SLC6A16: variants seen among roughly 807,000 people sequenced by gnomAD.
The protein encoded by SLC6A16 is orphan sodium- and chloride-dependent neurotransmitter transporter NTT5.
In SLC6A16, 54 loss-of-function variants were observed where a neutral mutation model predicts 65.4. That is an observed-to-expected ratio of 0.83 (90% CI 0.66 to 1.04). The LOEUF (loss-of-function observed/expected upper bound fraction) is 1.04, where lower values mean the gene tolerates loss of function less well. Ranked by LOEUF, SLC6A16 falls within the 50% of genes least tolerant of loss-of-function variation. The pLI, the probability that SLC6A16 is intolerant of heterozygous loss-of-function variation, is 0.00. For missense variants in SLC6A16, 816 were observed against 914.0 expected, an observed-to-expected ratio of 0.89 and a Z score of 1.38; for synonymous variants, 330 against 346.5, an observed-to-expected ratio of 0.95 and a Z score of 0.53.
At chr19:49,326,993 T>C (rs923877534), upstream of SLC6A16, among the ~76,000 whole-genome samples, 1 of 150,192 alleles carries the variant, frequency 6.7e-6, no homozygotes, top group African/African-American at 2.5e-5. Flanking sequence ...CACTCCAGCC[T>C]GGGTGATGGG....
intron 1 of SLC6A16, among the ~76,000 whole-genome samples, chr19:49,315,550 T>C (rs1970601675): frequency 6.6e-6 from 1 of 152,188 alleles, no homozygotes; most frequent in East Asian, 1.9e-4. Context: ...CCCAGCCCTT[T>C]GGGAGGCTGA....
rs923629134 is a variant in SLC6A16, at chr19:49,292,291, C to T, written c.1778+932G>A. Among the ~76,000 whole-genome samples, 2 of 152,038 alleles carry T rather than the reference C, an allele frequency of 1.3e-5. No individual in the cohort carries two copies. The highest frequency in any genetic ancestry group is 6.6e-5 in the Admixed American group (1 of 15,262). ...CTGAGGGAGGAGAATTGCTTGAACC[C>T]GGGAGGCGGAGGTTGCAGTGAGCTG... On this transcript the variant is annotated intron_variant, in intron 10 of 11. Transcript: ENST00000335875. This position sits in a 1 kb window ranked among gnomAD's most constrained non-coding sequence, Gnocchi z 4.3.
chr19:49,293,617 AGCCG>A (rs1352620541), intron 9 of SLC6A16, among the ~76,000 whole-genome samples: 2 of 152,156 alleles, frequency 1.3e-5, no homozygotes, highest in Non-Finnish European at 2.9e-5. Flanking sequence ...TACAAAACTT[AGCCG>A]GGCGTGGTGA....
chr19:49,311,675 C>T (rs1208557922), intron 1 of SLC6A16, among the ~76,000 whole-genome samples: 1 of 151,550 alleles, frequency 6.6e-6, no homozygotes, highest in Non-Finnish European at 1.5e-5. Context: ...ATGGTGAAAC[C>T]CCGTCTCTAC....
At chr19:49,338,671 G>A in the SLC6A16 span, 51 of 1,525,018 alleles carry the variant, frequency 3.3e-5, no homozygotes, top group Middle Eastern at 1.7e-4. This position sits in a 1 kb window ranked among gnomAD's most constrained non-coding sequence, Gnocchi z 5.0. Flanking sequence ...CTCCAGTCCC[G>A]GTCCCTCTGA....
the SLC6A16 span, chr19:49,337,940 C>T: frequency 3.7e-6 from 6 of 1,613,830 alleles, no homozygotes; most frequent in Admixed American, 1.7e-5. Flanking sequence ...GCGAAGCTTG[C>T]GGGACGTCGT....
chr19:49,336,929 C>T, the SLC6A16 span: 2 of 1,614,166 alleles, frequency 1.2e-6, no homozygotes, highest in Admixed American at 1.7e-5. Context: ...CGTGCCTCTG[C>T]AGATCTGGTC....
intron 1 of SLC6A16, among the ~76,000 whole-genome samples, chr19:49,322,616 A>G (rs1434782534): frequency 1.3e-5 from 2 of 149,698 alleles, no homozygotes; most frequent in African/African-American, 4.9e-5. Flanking sequence ...CCTGGGCAAC[A>G]AGAGTGAAAC....
At chr19:49,299,415 G>A (rs1382938066) in intron 7 of SLC6A16, among the ~76,000 whole-genome samples, 4 of 150,374 alleles carry the variant, frequency 2.7e-5, no homozygotes, top group African/African-American at 9.8e-5. Context: ...TTAGCCTGGT[G>A]TGGTGGCATG....
In SLC6A16 at chr19:49,310,349, T is replaced by C. The variant is rs767298332; in HGVS notation, c.573+4A>G. 1 of 1,613,812 alleles carries C rather than the reference T, an allele frequency of 6.2e-7. No individual in the cohort carries two copies. The highest frequency in any genetic ancestry group is 1.7e-5 in the Admixed American group (1 of 59,954). ...TCAGGCCTGGGCAGCCATGGGCTCC[T>C]CACCATGAAGCTAGAATACCCCACA... On this transcript the variant is annotated splice_donor_region_variant and intron_variant, in intron 3 of 11. Coordinates refer to ENST00000335875, the MANE Select transcript of SLC6A16 (RefSeq NM_014037.3).
chr19:49,298,713 C>T (rs566997955), intron 7 of SLC6A16, among the ~76,000 whole-genome samples: 32 of 152,002 alleles, frequency 2.1e-4, no homozygotes, highest in Middle Eastern at 3.2e-3. Context: ...GTCTATATAC[C>T]CAAAGGAAAA....
the SLC6A16 span, among the ~76,000 whole-genome samples, chr19:49,334,899 A>C: frequency 6.6e-6 from 1 of 152,074 alleles, no homozygotes. Context: ...ACAAATATAT[A>C]AATAAAATAA....
rs1476119697 is a variant in SLC6A16 at position 49,317,608 on chromosome 19, C to G, written c.-64-6197G>C. Reference sequence around the variant, plus strand: ...GACCACGAGGTCAGGAGATCAAGACCATCCTGGCTAACATGGTGAAACCCC... The same window carrying G: ...GACCACGAGGTCAGGAGATCAAGACGATCCTGGCTAACATGGTGAAACCCC... On this transcript the variant is annotated intron_variant, in intron 1 of 11. Transcript: ENST00000335875. 2.0e-5 allele frequency among the ~76,000 whole-genome samples: 3 copies of G among 151,738 alleles called. No homozygotes were observed. The East Asian group carries it at 5.9e-4, about 30-fold the overall frequency.
chr19:49,340,210 C>A, the SLC6A16 span: 1 of 1,567,838 alleles, frequency 6.4e-7, no homozygotes, highest in Non-Finnish European at 8.8e-7. Context: ...GTCTCGCCAG[C>A]ACCCCTTCGA....
At chr19:49,335,820 C>G in the SLC6A16 span, 1 of 1,569,984 alleles carries the variant, frequency 6.4e-7, no homozygotes, top group South Asian at 1.1e-5. This position sits in a 1 kb window ranked among gnomAD's most constrained non-coding sequence, Gnocchi z 4.6. Context: ...GAGGGCCTCC[C>G]CCAACCCAAG....
chr19:49,310,710 T>C (rs542283978), intron 2 of SLC6A16, among the ~76,000 whole-genome samples, 200 bp from the exon 3 acceptor site: 1 of 152,270 alleles, frequency 6.6e-6, no homozygotes, highest in African/African-American at 2.4e-5. Context: ...AAGTACCTAG[T>C]TTCCAGCCCA....
In SLC6A16 at chr19:49,290,713, A is replaced by C; in HGVS notation, c.1833T>G (p.Gly611=). 1 of 1,613,740 alleles carries C rather than the reference A, an allele frequency of 6.2e-7. No homozygotes were observed. The highest frequency in any genetic ancestry group is 8.5e-7 in the Non-Finnish European group (1 of 1,179,818). ...CTGGACACAGATGGGGCCACAGCCA[A>C]CCAAAGATGGGAGAGATGGGGTGGC... The part of the protein sequence containing the change: ...LLGHPISPIF[G]WLWPHLCPVV... Residue 611 remains glycine (G), a synonymous_variant, in exon 11 of 12, where the codon GGT becomes GGG. Transcript: ENST00000335875.
intron 7 of SLC6A16, among the ~76,000 whole-genome samples, chr19:49,304,625 C>A (rs920666404): frequency 6.6e-6 from 1 of 152,018 alleles, no homozygotes; most frequent in Non-Finnish European, 1.5e-5. Context: ...ATTAGCCAGG[C>A]GTGGTGGCAC....
At chr19:49,336,795 C>A in the SLC6A16 span, 1 of 1,137,486 alleles carries the variant, frequency 8.8e-7, no homozygotes. Context: ...GACAGAGTCC[C>A]AGAGAGAGGG....
Sources: gnomAD v4.1 joint callset for allele counts (sites outside exome capture counted in the v4.1 genomes callset) on GRCh38, gnomAD v4.1.1 for gene constraint, Gnocchi (gnomAD v3.1) non-coding constraint, MANE v1.5 for transcripts, NCBI Gene and HGNC (gene_info 2026-07-23, HGNC 2026-07-21) for gene names.